The following FAM107A variants were observed in gnomAD, a reference collection of about 807,000 sequenced individuals.
FAM107A encodes family with sequence similarity 107 member A.
In FAM107A, 19 loss-of-function variants were observed where a neutral mutation model predicts 13.7. That is an observed-to-expected ratio of 1.38 (90% confidence interval 0.97 to 2.03). The LOEUF (loss-of-function observed/expected upper bound fraction) is 2.03, where lower values mean the gene tolerates loss of function less well. Among genes scored for constraint, FAM107A ranks in the 30% most tolerant of loss-of-function variants. The probability of loss-of-function intolerance (pLI) is 0.00; values close to 1 mark genes in which losing one functional copy is unlikely to be tolerated. For missense variants in FAM107A, 203 were observed against 184.4 expected, an observed-to-expected ratio of 1.10 and a Z score of -0.58; for synonymous variants, 82 against 74.5, an observed-to-expected ratio of 1.10 and a Z score of -0.52.
upstream of FAM107A, among the ~76,000 whole-genome samples, chr3:58,581,634 G>T (rs528457415): frequency 1.3e-5 from 2 of 152,182 alleles, no homozygotes; most frequent in African/African-American, 2.4e-5. Context: ...CTGCAGAAAG[G>T]ACTCGGGGGT....
chr3:58,603,439 G>T (rs1403625011), intron 1 of FAM107A, among the ~76,000 whole-genome samples: 1 of 152,142 alleles, frequency 6.6e-6, no homozygotes, highest in African/African-American at 2.4e-5. Flanking sequence ...GGGACTTGCT[G>T]CAAGTGACTT....
intron 1 of FAM107A, among the ~76,000 whole-genome samples, chr3:58,608,534 C>A (rs1249377946): frequency 6.6e-6 from 1 of 152,190 alleles, no homozygotes; most frequent in Non-Finnish European, 1.5e-5. Flanking sequence ...ACCAAACCTG[C>A]AAGGTGGTAT....
rs540182014 is a variant in FAM107A at position 58,613,632 on chromosome 3, T to C, written c.-70+13784A>G. 1.3e-5 allele frequency among the ~76,000 whole-genome samples: 2 copies of C among 152,288 alleles called. No homozygotes were observed. The highest frequency in any genetic ancestry group is 4.1e-4 in the South Asian group (2 of 4,820). ...CCCTCTTTTTGCCTGGCTTCTTCCT[T>C]CAGGACTCTGCTTAGATGGCACCTC... On this transcript the variant is annotated intron_variant, in intron 1 of 3. Transcript: ENST00000465970. This position sits in a 1 kb window ranked among gnomAD's most constrained non-coding sequence, Gnocchi z 4.6.
At position 58,566,317 on chromosome 3, in the gene FAM107A, T is replaced by G. The variant is rs2063620484; in HGVS notation, c.*271A>C. On this transcript the variant is annotated 3_prime_UTR_variant, in exon 4 of 4. Transcript: ENST00000360997. ...CCTCCTCAATTCTGCCAGAGAAAGC[T>G]CCTGTGCTGGGCTCTGAACCCCTTG... is the stretch of plus-strand genomic sequence containing the variant. The G allele has an allele frequency of 1.8e-5, 7 of 399,522 alleles. No individual in the cohort carries two copies. The highest frequency in any genetic ancestry group is 3.1e-5 in the Non-Finnish European group (7 of 225,692). The allele number at this position is 399,522 out of a possible 1,614,324, so 24.7% of individuals were successfully genotyped here. A position where few individuals can be genotyped will look rare whatever the true frequency, so the allele number is the denominator to read the frequency against.
chr3:58,585,499 C>A (rs1283010702), intron 1 of FAM107A, among the ~76,000 whole-genome samples: 1 of 152,226 alleles, frequency 6.6e-6, no homozygotes, highest in Non-Finnish European at 1.5e-5. Context: ...GGGGCTTAAG[C>A]GGGAAGGGCG....
upstream of FAM107A, among the ~76,000 whole-genome samples, chr3:58,579,958 C>T (rs2065512504): frequency 6.6e-6 from 1 of 152,220 alleles, no homozygotes; most frequent in Non-Finnish European, 1.5e-5. Flanking sequence ...TACTGAGGGG[C>T]TCAATAACTA....
At chr3:58,590,438 T>A (rs2065646177), upstream of FAM107A, among the ~76,000 whole-genome samples, 1 of 152,230 alleles carries the variant, frequency 6.6e-6, no homozygotes, top group Non-Finnish European at 1.5e-5. Flanking sequence ...TACCACTGAA[T>A]GCCTGGATAC....
At chr3:58,599,105 C>G (rs981083987) in intron 1 of FAM107A, among the ~76,000 whole-genome samples, 3 of 152,046 alleles carry the variant, frequency 2.0e-5, no homozygotes, top group Admixed American at 6.6e-5. Context: ...CCATGCCTGG[C>G]TAATTTTTGT....
At chr3:58,587,116 AGG>A, upstream of FAM107A, 2 of 1,370,958 alleles carry the variant, frequency 1.5e-6, no homozygotes, top group Non-Finnish European at 1.9e-6. Flanking sequence ...CGGGGGAAGG[AGG>A]GGGGCAGGGG....
At chr3:58,624,656 T>G (rs1387930602) in intron 1 of FAM107A, among the ~76,000 whole-genome samples, 1 of 152,178 alleles carries the variant, frequency 6.6e-6, no homozygotes, top group Non-Finnish European at 1.5e-5. Flanking sequence ...CCTGCCAGTG[T>G]GGGTTTAGGA....
chr3:58,598,633 C>T (rs1013961965), intron 1 of FAM107A, among the ~76,000 whole-genome samples: 5 of 152,196 alleles, frequency 3.3e-5, no homozygotes, highest in African/African-American at 9.7e-5. Flanking sequence ...TGTAAACATT[C>T]GGAACAACTC....
intron 1 of FAM107A, chr3:58,573,767 C>G (rs1575440851): frequency 6.6e-6 from 1 of 152,378 alleles, no homozygotes; most frequent in South Asian, 2.1e-4. Context: ...TCCATGCCTC[C>G]CTACCCTCTG....
chr3:58,625,207 C>T (rs1009167970), intron 1 of FAM107A, among the ~76,000 whole-genome samples: 5 of 152,198 alleles, frequency 3.3e-5, no homozygotes, highest in South Asian at 2.1e-4. Context: ...TCTTGAAAAC[C>T]GGGTTTCTGG....
upstream of FAM107A, chr3:58,589,185 A>G: frequency 6.7e-7 from 1 of 1,501,956 alleles, no homozygotes; most frequent in Non-Finnish European, 9.0e-7. Flanking sequence ...GCACCCAGGA[A>G]TTCTAGCGGG....
chr3:58,615,581 TGGG>T (rs1329815398), intron 1 of FAM107A, among the ~76,000 whole-genome samples: 4 of 152,000 alleles, frequency 2.6e-5, no homozygotes, highest in Non-Finnish European at 4.4e-5. Context: ...GGGACCAAGA[TGGG>T]GGGATTTTAG....
intron 1 of FAM107A, among the ~76,000 whole-genome samples, chr3:58,585,007 A>T (rs959747914): frequency 6.6e-6 from 1 of 152,232 alleles, no homozygotes; most frequent in African/African-American, 2.4e-5. Flanking sequence ...GAACCTGGAC[A>T]CCGTCAATGG....
chr3:58,587,472 AGAGTGT>A (rs1293338621), upstream of FAM107A, among the ~76,000 whole-genome samples: 8 of 116,312 alleles, frequency 6.9e-5, no homozygotes, highest in South Asian at 3.1e-4. Context: ...TAATCAGCTT[AGAGTGT>A]GTGTGTGTGT....
chr3:58,626,879 G>C, intron 1 of FAM107A: 3 of 1,271,314 alleles, frequency 2.4e-6, no homozygotes, highest in Non-Finnish European at 3.3e-6. Context: ...GCCGGCTGAA[G>C]CTGCAGGGTA....
At chr3:58,594,688 C>G (rs1046268794) in intron 1 of FAM107A, among the ~76,000 whole-genome samples, 1 of 152,216 alleles carries the variant, frequency 6.6e-6, no homozygotes, top group African/African-American at 2.4e-5. Flanking sequence ...CAACACTTCA[C>G]TGTTGTTTTG....
Sources: gnomAD v4.1 joint callset for allele counts (sites outside exome capture counted in the v4.1 genomes callset) on GRCh38, gnomAD v4.1.1 for gene constraint, Gnocchi (gnomAD v3.1) non-coding constraint, MANE v1.5 for transcripts, NCBI Gene and HGNC (gene_info 2026-07-23, HGNC 2026-07-21) for gene names.